RTL1: variants seen among roughly 807,000 people sequenced by gnomAD.
The protein encoded by RTL1 is retrotransposon Gag like 1.
For synonymous variants in RTL1, 727 were observed against 748.4 expected (o/e 0.97, Z 0.47); for missense variants, 1,681 against 1,767.5 (o/e 0.95, Z 0.88).
intron 3 of RTL1, among the ~76,000 whole-genome samples, chr14:100,888,341 T>C (rs1190460208): frequency 6.6e-6 from 1 of 152,228 alleles, no homozygotes; most frequent in Non-Finnish European, 1.5e-5. Context: ...GGTTTCTTCA[T>C]TGCCTGTAAC....
At chr14:100,887,975 G>A (rs2140042000) in intron 3 of RTL1, among the ~76,000 whole-genome samples, 1 of 152,278 alleles carries the variant, frequency 6.6e-6, no homozygotes, top group South Asian at 2.1e-4. Flanking sequence ...CTCTGCTCAC[G>A]AGTGGTCTGA....
In RTL1 at chr14:100,881,410, T is replaced by C; in HGVS notation, c.3379A>G (p.Ile1127Val). The C allele has an allele frequency of 6.4e-7, 1 of 1,550,756 alleles. No individual in the cohort carries two copies. The highest frequency in any genetic ancestry group is 1.7e-4 in the Middle Eastern group (1 of 5,992). The change falls in exon 4 of 4, where the codon ATC (isoleucine) becomes GTC (valine). Residue 1127 changes from isoleucine (I) to valine (V), a missense_variant. Ile to Val is a conservative substitution (Grantham distance 29, BLOSUM62 3). Coordinates refer to ENST00000649591, the MANE Select transcript of RTL1 (RefSeq NM_001134888.3). The surrounding 1 kb of genome is among the most constrained non-coding windows in gnomAD (Gnocchi z 6.6). Reference protein sequence around the residue: ...RPQPQRSLRLILDSSLIAGSS... With the variant: ...RPQPQRSLRLVLDSSLIAGSS... ...CCTGCGATGAGGGACGAATCCAGGA[T>C]GAGTCGTAGGGAGCGCTGGGGCTGG...
chr14:100,902,333 G>T (rs1283093789), intron 2 of RTL1, among the ~76,000 whole-genome samples: 1 of 152,196 alleles, frequency 6.6e-6, no homozygotes, highest in East Asian at 1.9e-4. Flanking sequence ...GAACAGGATT[G>T]GGCGCCTCTA....
rs766192630 is a variant in RTL1 at position 100,882,050 on chromosome 14, G to C, written c.2739C>G (p.Ile913Met). The C allele has an allele frequency of 3.1e-6, 5 of 1,612,210 alleles. No homozygotes were observed. The highest frequency in any genetic ancestry group is 4.2e-6 in the Non-Finnish European group (5 of 1,179,200). The change falls in exon 4 of 4, where the codon ATC becomes ATG. Residue 913 changes from isoleucine to methionine, a missense_variant. Ile to Met is a conservative substitution (Grantham distance 10, BLOSUM62 1). Transcript: ENST00000649591. ...TCTCCGCTTGAGAGTACTCAACCTC[G>C]ATAGGGGAGATGTTGCGGGAGTAGA... ...CAFYSRNISP[I>M]EVEYSQAEMK...
rs1355118428 is a variant in RTL1 at position 100,880,865 on chromosome 14, C to A, written c.3924G>T (p.Leu1308=). 6.5e-7 allele frequency: 1 copy of A among 1,527,648 alleles called. No individual in the cohort carries two copies. Among genetic ancestry groups the A allele is most frequent in the South Asian group, 1.2e-5 (1 of 83,508 alleles). The allele number at this position is 1,527,648 out of a possible 1,614,324, so 94.6% of individuals were successfully genotyped here. The change falls in exon 4 of 4, where the codon CTG becomes CTT. Residue 1308 remains leucine (L), a synonymous_variant. Coordinates refer to ENST00000649591, the MANE Select transcript of RTL1 (RefSeq NM_001134888.3). ...HIHSADGQLH[L]LSREQAARAL... The stretch of plus-strand genomic sequence containing the variant: ...CCCTGGCTGCCTGCTCCCGGCTGAG[C>A]AGGTGCAGCTGGCCATCTGCACTGT...
intron 2 of RTL1, among the ~76,000 whole-genome samples, 69 bp downstream of exon 2, chr14:100,903,222 G>A (rs2038966845): frequency 6.6e-6 from 1 of 152,136 alleles, no homozygotes; most frequent in South Asian, 2.1e-4. Context: ...CGGGGTCCGG[G>A]CATCCCATAG....
chr14:100,890,731 A>C (rs2038763815), intron 3 of RTL1, among the ~76,000 whole-genome samples: 1 of 152,050 alleles, frequency 6.6e-6, no homozygotes, highest in Non-Finnish European at 1.5e-5. Flanking sequence ...GGTGGTGCTC[A>C]GAGCTCCTTG....
intron 3 of RTL1, among the ~76,000 whole-genome samples, chr14:100,886,181 C>T (rs1014658316): frequency 6.7e-5 from 10 of 150,234 alleles, no homozygotes; most frequent in African/African-American, 2.2e-4. Context: ...TTTGTTACTT[C>T]TGAGTTTTCT....
intron 2 of RTL1, among the ~76,000 whole-genome samples, chr14:100,899,938 CAG>C (rs1232485232): frequency 6.6e-6 from 1 of 152,138 alleles, no homozygotes; most frequent in African/African-American, 2.4e-5. Flanking sequence ...ACACAAATGC[CAG>C]AGAGAGTGTG....
At chr14:100,903,450 G>C (rs2038970010) in intron 1 of RTL1, among the ~76,000 whole-genome samples, 64 bp from the exon 2 acceptor site, 1 of 152,184 alleles carries the variant, frequency 6.6e-6, no homozygotes, top group Non-Finnish European at 1.5e-5. Flanking sequence ...GGGGGTGCAG[G>C]CATGGAGATT....
intron 3 of RTL1, among the ~76,000 whole-genome samples, chr14:100,891,669 GT>G (rs1256757311): frequency 6.6e-6 from 1 of 152,224 alleles, no homozygotes; most frequent in Non-Finnish European, 1.5e-5. Context: ...TGTGCGAGGG[GT>G]CACGGGTGAG....
In RTL1 at chr14:100,882,437, G is replaced by A. The variant is rs1401226571; in HGVS notation, c.2352C>T (p.Pro784=). 1 of 1,551,942 alleles carries A rather than the reference G, an allele frequency of 6.4e-7. No individual in the cohort carries two copies. The highest frequency in any genetic ancestry group is 1.4e-5 in the African/African-American group (1 of 73,048). The change falls in exon 4 of 4, where the codon CCC becomes CCT. Residue 784 remains proline (P), a synonymous_variant. Coordinates refer to ENST00000649591, the MANE Select transcript of RTL1 (RefSeq NM_001134888.3). ...CGTTCTTGTTCAGTTTCACCCCTTTGGGGGTGACGACGAAGCCCAGGAATT... is the reference window on the plus strand; with the variant it reads ...CGTTCTTGTTCAGTTTCACCCCTTTAGGGGTGACGACGAAGCCCAGGAATT... ...TVEFLGFVVT[P]KGVKLNKNVM... is the part of the protein sequence containing the mutation.
chr14:100,896,461 C>T (rs535277214), intron 2 of RTL1, among the ~76,000 whole-genome samples: 1 of 152,172 alleles, frequency 6.6e-6, no homozygotes, highest in East Asian at 1.9e-4. Flanking sequence ...TGTCTGGGAG[C>T]CTCAGTGCCT....
intron 3 of RTL1, among the ~76,000 whole-genome samples, chr14:100,887,875 A>G (rs553293810): frequency 6.6e-6 from 1 of 152,148 alleles, no homozygotes; most frequent in Admixed American, 6.5e-5. Flanking sequence ...TAATCATATA[A>G]CTTCTTTTTA....
At position 100,883,770 on chromosome 14, in the gene RTL1, C is replaced by T. The variant is rs975597934; in HGVS notation, c.1019G>A (p.Arg340Gln). The T allele has an allele frequency of 1.5e-5, 24 of 1,551,522 alleles. No individual in the cohort carries two copies. The highest frequency in any genetic ancestry group is 2.7e-5 in the African/African-American group (2 of 73,038). The change falls in exon 4 of 4, where the codon CGG becomes CAG. Residue 340 changes from arginine (R) to glutamine (Q), a missense_variant. By Grantham distance (43) the Arg-to-Gln change is conservative (BLOSUM62 1). Transcript: ENST00000649591. The surrounding 1 kb of genome is among the most constrained non-coding windows in gnomAD (Gnocchi z 5.9). ...LNEEIRHYLF[R>Q]VPQPDSLDSL... The stretch of plus-strand genomic sequence containing the variant: ...GTCTAGGGAATCCGGCTGAGGGACC[C>T]GGAATAGATAGTGCCTGATCTCCTC...
At chr14:100,900,107 CAT>C (rs2140060325) in intron 2 of RTL1, among the ~76,000 whole-genome samples, 1 of 152,340 alleles carries the variant, frequency 6.6e-6, no homozygotes, top group South Asian at 2.1e-4. Context: ...ATGTAAATAA[CAT>C]ATAAAAAGTC....
rs1311520949 is a variant in RTL1 at position 100,884,022 on chromosome 14, A to C, written c.767T>G (p.Leu256Arg). The change falls in exon 4 of 4, where the codon CTA becomes CGA. Residue 256 changes from leucine (L) to arginine (R), a missense_variant. Leu to Arg is a moderately radical substitution (Grantham distance 102). Coordinates refer to ENST00000649591, the MANE Select transcript of RTL1 (RefSeq NM_001134888.3). ...SGLALEWAKA[L>R]LQENSPLIGD... ...GATCAGGGGGCTGTTTTCCTGCAGT[A>C]GAGCTTTGGCCCATTCTAATGCCAA... is the stretch of plus-strand genomic sequence containing the variant. The C allele has an allele frequency of 1.3e-6, 2 of 1,551,742 alleles. No homozygotes were observed. Among genetic ancestry groups the C allele is most frequent in the East Asian group, 4.9e-5 (2 of 40,918 alleles).
Position 100,882,744 on chromosome 14 carries a change from G to T in RTL1, c.2045C>A (p.Thr682Asn), listed in dbSNP as rs1321342850. The change falls in exon 4 of 4, where the codon ACC becomes AAC. Residue 682 changes from threonine (T) to asparagine (N), a missense_variant. By Grantham distance (65) the Thr-to-Asn change is moderately conservative (BLOSUM62 0). Transcript: ENST00000649591. ...IVEESVNGHR[T>N]EDVWKAAFGL... ...AAACGCTGCTTTCCACACATCTTCG[G>T]TGCGGTGCCCGTTCACGCTTTCCTC... 1 of 1,551,930 alleles carries T rather than the reference G, an allele frequency of 6.4e-7. No individual in the cohort carries two copies. The highest frequency in any genetic ancestry group is 2.4e-5 in the East Asian group (1 of 40,906).
chr14:100,891,371 G>A (rs186808962), intron 3 of RTL1, among the ~76,000 whole-genome samples: 12 of 152,328 alleles, frequency 7.9e-5, no homozygotes, highest in Admixed American at 5.2e-4. Flanking sequence ...GTAGTGATGG[G>A]GAAACTGAGT....
Sources: gnomAD v4.1 joint callset for allele counts (sites outside exome capture counted in the v4.1 genomes callset) on GRCh38, gnomAD v4.1.1 for gene constraint, Gnocchi (gnomAD v3.1) non-coding constraint, MANE v1.5 for transcripts, NCBI Gene and HGNC (gene_info 2026-07-23, HGNC 2026-07-21) for gene names.